Variants in RABGAP1L observed in about 807,000 individuals in gnomAD.
RABGAP1L encodes RAB GTPase activating protein 1 like.
In RABGAP1L, 63 loss-of-function variants were observed where a neutral mutation model predicts 137.7. The observed-to-expected ratio is 0.46, with a 90% CI of 0.37 to 0.56. The LOEUF (loss-of-function observed/expected upper bound fraction) is 0.56, where lower values mean the gene tolerates loss of function less well. RABGAP1L is among the 20% of genes least tolerant of loss of function. The probability of loss-of-function intolerance (pLI) is 0.00; values close to 1 mark genes in which losing one functional copy is unlikely to be tolerated. For missense variants in RABGAP1L, 1,095 were observed against 1,244.0 expected, an observed-to-expected ratio of 0.88 and a Z score of 1.80; for synonymous variants, 431 against 433.7, an observed-to-expected ratio of 0.99 and a Z score of 0.08.
intron 19 of RABGAP1L, among the ~76,000 whole-genome samples, chr1:174,865,354 G>C (rs1278028057): frequency 6.6e-6 from 1 of 152,056 alleles, no homozygotes; most frequent in East Asian, 1.9e-4. Context: ...AAAGAACACA[G>C]GCAACTTATA....
chr1:174,271,173 A>T (rs1455784945), intron 7 of RABGAP1L, among the ~76,000 whole-genome samples: 2 of 152,066 alleles, frequency 1.3e-5, no homozygotes, highest in Non-Finnish European at 2.9e-5. Flanking sequence ...TTATCCTCAG[A>T]GCTTACCAAC....
intron 13 of RABGAP1L, among the ~76,000 whole-genome samples, chr1:174,490,966 G>A (rs573083048): frequency 3.4e-4 from 51 of 152,218 alleles, no homozygotes; most frequent in African/African-American, 1.1e-3. Context: ...CCTTCAGGGT[G>A]GTGGGCTCCC....
chr1:174,247,142 CT>C (rs952188567), intron 5 of RABGAP1L, among the ~76,000 whole-genome samples: 39 of 152,082 alleles, frequency 2.6e-4, no homozygotes, highest in South Asian at 1.0e-3. Context: ...AGTTCTTTGA[CT>C]TTTTTTGATA....
chr1:174,712,514 CACATCTGA>C (rs1680636923), intron 17 of RABGAP1L, among the ~76,000 whole-genome samples: 1 of 152,168 alleles, frequency 6.6e-6, no homozygotes, highest in African/African-American at 2.4e-5. Context: ...AAACTCCAGA[CACATCTGA>C]ACATCTGAAG....
intron 19 of RABGAP1L, among the ~76,000 whole-genome samples, chr1:174,816,349 T>C (rs1032291450): frequency 6.6e-5 from 10 of 151,860 alleles, no homozygotes; most frequent in African/African-American, 2.4e-4. Context: ...ATGGGGTTTC[T>C]CCATCAGGCT....
At chr1:174,584,838 GT>G (rs11290858) in intron 13 of RABGAP1L, among the ~76,000 whole-genome samples, 73,824 of 148,780 alleles carry the variant, frequency 0.5, 20,271 homozygotes, top group African/African-American at 0.76. Flanking sequence ...ATGTGTATGT[GT>G]TTTTTTTTTT....
chr1:174,491,111 T>A (rs1660182452), intron 13 of RABGAP1L, among the ~76,000 whole-genome samples: 1 of 152,262 alleles, frequency 6.6e-6, no homozygotes, highest in African/African-American at 2.4e-5. Flanking sequence ...TCCTGTTTAC[T>A]TTTTCCTCTG....
chr1:174,990,028 A>G lies in RABGAP1L; in HGVS notation c.*27A>G. ...TCCAGCCTTACCCAAGCACAAGAGC[A>G]CAATGTTCAAACCAATGGAAATCTG... is the stretch of plus-strand genomic sequence containing the variant. On this transcript the variant is annotated 3_prime_UTR_variant, in exon 26 of 26. Coordinates refer to ENST00000681986, the MANE Select transcript of RABGAP1L (RefSeq NM_001366446.1). 4 of 1,507,232 alleles carry G rather than the reference A, an allele frequency of 2.7e-6. No individual in the cohort carries two copies. The highest frequency in any genetic ancestry group is 3.6e-6 in the Non-Finnish European group (4 of 1,108,754). The allele number at this position is 1,507,232 out of a possible 1,614,324, so 93.4% of individuals were successfully genotyped here.
chr1:174,859,482 C>CAAA (rs35464065), intron 19 of RABGAP1L, among the ~76,000 whole-genome samples: 4 of 133,742 alleles, frequency 3.0e-5, no homozygotes, highest in South Asian at 2.6e-4. Context: ...GACTCCATCT[C>CAAA]AAAAAAAAAG....
At chr1:174,896,098 G>T (rs139059484) in intron 19 of RABGAP1L, among the ~76,000 whole-genome samples, 1 of 152,148 alleles carries the variant, frequency 6.6e-6, no homozygotes. Flanking sequence ...ATCCTCTCTA[G>T]CACCTGTTGT....
chr1:174,422,718 C>A (rs1188684361), intron 13 of RABGAP1L, among the ~76,000 whole-genome samples: 1 of 152,042 alleles, frequency 6.6e-6, no homozygotes, highest in Non-Finnish European at 1.5e-5. Flanking sequence ...GAGGCCAAGG[C>A]AGGCGGATCA....
chr1:174,794,755 G>A (rs1274354648), intron 18 of RABGAP1L, among the ~76,000 whole-genome samples: 1 of 152,102 alleles, frequency 6.6e-6, no homozygotes, highest in African/African-American at 2.4e-5. Flanking sequence ...AGCACACAGT[G>A]TGTCACCCCT....
At chr1:174,629,524 G>C (rs1343153063) in intron 13 of RABGAP1L, among the ~76,000 whole-genome samples, 1 of 152,114 alleles carries the variant, frequency 6.6e-6, no homozygotes, top group Non-Finnish European at 1.5e-5. Context: ...CCTAGGAAGG[G>C]GAATTTTATT....
At chr1:174,251,826 T>A (rs150717632) in intron 6 of RABGAP1L, among the ~76,000 whole-genome samples, 1 of 152,310 alleles carries the variant, frequency 6.6e-6, no homozygotes, top group East Asian at 1.9e-4. Flanking sequence ...ACCAGACATG[T>A]GACAGTCTTA....
Position 174,221,138 on chromosome 1 carries a change from A to C in RABGAP1L, c.305A>C (p.Gln102Pro). Residue 102 changes from glutamine (Q) to proline (P), a missense_variant, in exon 3 of 26, where the codon CAG becomes CCG. Transcript: ENST00000681986. ...PASQTNKPSL[Q>P]LILDPSNTEI... ...AGCCAAACAAATAAGCCATCTCTTC[A>C]GTTAATTTTGGATCCGTCTAACACA... is the stretch of plus-strand genomic sequence containing the variant. The C allele has an allele frequency of 6.2e-7, 1 of 1,612,196 alleles. No individual in the cohort carries two copies. The highest frequency in any genetic ancestry group is 1.7e-5 in the Admixed American group (1 of 59,814).
At chr1:174,724,457 G>C (rs1396330121) in intron 17 of RABGAP1L, among the ~76,000 whole-genome samples, 1 of 152,162 alleles carries the variant, frequency 6.6e-6, no homozygotes, top group Non-Finnish European at 1.5e-5. Context: ...TGCCAGAGAA[G>C]CCAAAAAGGG....
At chr1:174,792,371 G>A (rs1205109765) in intron 18 of RABGAP1L, among the ~76,000 whole-genome samples, 3 of 152,204 alleles carry the variant, frequency 2.0e-5, no homozygotes, top group African/African-American at 7.2e-5. Context: ...CCACCTCATA[G>A]GAGACCCAGT....
At chr1:174,672,435 T>C (rs1299770727) in intron 14 of RABGAP1L, among the ~76,000 whole-genome samples, 3 of 151,738 alleles carry the variant, frequency 2.0e-5, no homozygotes, top group Admixed American at 2.0e-4. Context: ...TTTTTGTTTG[T>C]TTTGTTTTGT....
At chr1:174,588,554 C>T (rs1385934985) in intron 13 of RABGAP1L, among the ~76,000 whole-genome samples, 2 of 152,168 alleles carry the variant, frequency 1.3e-5, no homozygotes, top group African/African-American at 2.4e-5. Context: ...TTCATTCTAT[C>T]TAACTATATT....
Sources: gnomAD v4.1 joint callset for allele counts (sites outside exome capture counted in the v4.1 genomes callset) on GRCh38, gnomAD v4.1.1 for gene constraint, MANE v1.5 for transcripts, NCBI Gene and HGNC (gene_info 2026-07-23, HGNC 2026-07-21) for gene names.